MORN1: variants seen among roughly 807,000 people sequenced by gnomAD.
MORN1 encodes MORN repeat containing 1.
In MORN1, 67 loss-of-function variants were observed where a neutral mutation model predicts 61.9. The ratio of observed to expected loss-of-function variants is 1.08; its 90% CI spans 0.89 to 1.33. The LOEUF is 1.33. MORN1 is among the 40% of genes most tolerant of loss of function. The probability of loss-of-function intolerance (pLI) is 0.00; values close to 1 mark genes in which losing one functional copy is unlikely to be tolerated. For missense variants in MORN1, 752 were observed against 691.2 expected, an observed-to-expected ratio of 1.09 and a Z score of -0.99; for synonymous variants, 301 against 292.0, an observed-to-expected ratio of 1.03 and a Z score of -0.31.
chr1:2,335,816 T>C (rs982468693), intron 12 of MORN1, among the ~76,000 whole-genome samples: 1 of 139,804 alleles, frequency 7.2e-6, no homozygotes, highest in African/African-American at 3.4e-5. Flanking sequence ...AGCGGGGGCC[T>C]CCTCGCCTCC....
intron 12 of MORN1, among the ~76,000 whole-genome samples, chr1:2,325,125 T>TCTTTCCTTCCCTCCCTTCCTTC (rs1557865179): frequency 3.2e-5 from 1 of 30,792 alleles, no homozygotes; most frequent in East Asian, 1.5e-3. Flanking sequence ...TTCCTTCCCT[T>TCTTTCCTTCCCTCCCTTCCTTC]CCTTCCTTCC....
chr1:2,328,280 G>C (rs1056829485), intron 12 of MORN1, among the ~76,000 whole-genome samples: 1 of 152,258 alleles, frequency 6.6e-6, no homozygotes, highest in Non-Finnish European at 1.5e-5. Flanking sequence ...CAGCGGGGCT[G>C]TGAGGCCCAG....
chr1:2,374,791 C>G, intron 6 of MORN1: 4 of 502,524 alleles, frequency 8.0e-6, no homozygotes, highest in Non-Finnish European at 1.4e-5. Flanking sequence ...TTTAACGATG[C>G]CAGGAGGTAT....
In MORN1 at chr1:2,366,195, G is replaced by A. The variant is rs1190056989; in HGVS notation, c.745+6286C>T. ...CTTTGTAGGGACATGGATGAAATTC[G>A]AAATCATCATTCTCAGTAAACTATC... is the stretch of plus-strand genomic sequence containing the variant. On this transcript the variant is annotated intron_variant, in intron 8 of 13. Coordinates refer to ENST00000378531, the MANE Select transcript of MORN1 (RefSeq NM_024848.3). Among the ~76,000 whole-genome samples, 5 of 151,586 alleles carry A rather than the reference G, an allele frequency of 3.3e-5. No individual in the cohort carries two copies. The East Asian group carries it at 5.8e-4, about 18-fold the overall frequency.
intron 6 of MORN1, chr1:2,378,291 A>T (rs1438373982): frequency 6.6e-6 from 1 of 152,262 alleles, no homozygotes; most frequent in Non-Finnish European, 1.5e-5. Flanking sequence ...AGCCGGCCAG[A>T]CTCCCCACAG....
Position 2,321,382 on chromosome 1 carries a change from C to G in MORN1, c.*1G>C. ...AGGTGGCCTCCTGTGGACACGGGGCCTCACCGAGGCGCTGGCGGCTCTGGG... is the reference window on the plus strand; with the variant it reads ...AGGTGGCCTCCTGTGGACACGGGGCGTCACCGAGGCGCTGGCGGCTCTGGG... On this transcript the variant is annotated 3_prime_UTR_variant, in exon 14 of 14. Coordinates refer to ENST00000378531, the MANE Select transcript of MORN1 (RefSeq NM_024848.3). 6.6e-7 allele frequency: 1 copy of G among 1,515,652 alleles called. No individual in the cohort carries two copies. The allele number at this position is 1,515,652 out of a possible 1,614,324, so 93.9% of individuals were successfully genotyped here.
intron 4 of MORN1, 134 bp from the exon 5 acceptor site, chr1:2,386,031 CA>C (rs1642490515): frequency 1.8e-5 from 13 of 720,384 alleles, no homozygotes; most frequent in African/African-American, 3.5e-5. Context: ...CAGGGCCCCC[CA>C]GGAACATGAC....
At chr1:2,363,225 C>T (rs1174592492) in intron 8 of MORN1, 3 of 152,276 alleles carry the variant, frequency 2.0e-5, no homozygotes, top group East Asian at 3.9e-4. Context: ...AGTTCTTACG[C>T]ATGAAGTAGT....
In MORN1 at chr1:2,321,564, A is replaced by G; in HGVS notation, c.1313T>C (p.Met438Thr). 6.6e-7 allele frequency: 1 copy of G among 1,514,492 alleles called. No individual in the cohort carries two copies. Among genetic ancestry groups the G allele is most frequent in the South Asian group, 1.3e-5 (1 of 78,520 alleles). The allele number at this position is 1,514,492 out of a possible 1,614,324, so 93.8% of individuals were successfully genotyped here. A position where few individuals can be genotyped will look rare whatever the true frequency, so the allele number is the denominator to read the frequency against. Residue 438 changes from methionine to threonine, a missense_variant, in exon 14 of 14, where the codon ATG (methionine) becomes ACG (threonine). Met to Thr is a moderately conservative substitution (Grantham distance 81, BLOSUM62 -1). Coordinates refer to ENST00000378531, the MANE Select transcript of MORN1 (RefSeq NM_024848.3). The stretch of plus-strand genomic sequence containing the variant: ...CGGCGGGGTGGTCACGTCGCGGATC[A>G]TGAGCACGTACTCCCCTGCAAGGGG... ...AAAHLGEYVL[M>T]IRDVTTPPFL...
At position 2,368,052 on chromosome 1, in the gene MORN1, G is replaced by A. The variant is rs538244662; in HGVS notation, c.745+4429C>T. 6.1e-3 allele frequency among the ~76,000 whole-genome samples: 931 copies of A among 152,346 alleles called. 7 individuals carry two copies. Among genetic ancestry groups the A allele is most frequent in the Non-Finnish European group, 0.01 (699 of 68,032 alleles). ...GAAAAAGAGAGAATTGGGTTTCATC[G>A]AAACTTAAAACTTTTGTGTTTCAAA... On this transcript the variant is annotated intron_variant, in intron 8 of 13. Coordinates refer to ENST00000378531, the MANE Select transcript of MORN1 (RefSeq NM_024848.3).
chr1:2,363,803 AAC>A (rs1198353882), intron 8 of MORN1, among the ~76,000 whole-genome samples: 5 of 81,804 alleles, frequency 6.1e-5, no homozygotes, highest in Admixed American at 1.4e-4. Flanking sequence ...CAAACAAACA[AAC>A]AAAAAAATAT....
intron 10 of MORN1, among the ~76,000 whole-genome samples, chr1:2,342,026 T>A (rs938655116): frequency 2.0e-5 from 3 of 152,260 alleles, no homozygotes; most frequent in Admixed American, 2.0e-4. Flanking sequence ...TGTCACCTCC[T>A]GGCAGGCATG....
intron 10 of MORN1, among the ~76,000 whole-genome samples, chr1:2,341,239 G>C (rs1295909406): frequency 6.6e-6 from 1 of 152,178 alleles, no homozygotes; most frequent in Non-Finnish European, 1.5e-5. Flanking sequence ...GTCCCCAACT[G>C]GTCCTGGGCA....
At chr1:2,363,812 A>AATG (rs1641946323) in intron 8 of MORN1, among the ~76,000 whole-genome samples, 2 of 95,576 alleles carry the variant, frequency 2.1e-5, no homozygotes, top group Non-Finnish European at 4.1e-5. Context: ...AAACAAAAAA[A>AATG]TATATATATA....
chr1:2,341,442 C>T, intron 10 of MORN1, among the ~76,000 whole-genome samples: 1 of 152,172 alleles, frequency 6.6e-6, no homozygotes, highest in Non-Finnish European at 1.5e-5. Flanking sequence ...ATGCCTGTCC[C>T]AGCACTTCGG....
At chr1:2,364,045 T>C (rs1187025022) in intron 8 of MORN1, among the ~76,000 whole-genome samples, 3 of 152,148 alleles carry the variant, frequency 2.0e-5, no homozygotes, top group Non-Finnish European at 4.4e-5. Flanking sequence ...AAGACGACGA[T>C]ATGCTGTCTA....
intron 10 of MORN1, among the ~76,000 whole-genome samples, chr1:2,343,534 C>A (rs1641446810): frequency 6.6e-6 from 1 of 152,178 alleles, no homozygotes; most frequent in Admixed American, 6.5e-5. Context: ...GAGACTCGGG[C>A]CTGGGGGCCT....
intron 12 of MORN1, among the ~76,000 whole-genome samples, chr1:2,335,780 G>T (rs1417515679): frequency 6.6e-6 from 1 of 150,874 alleles, no homozygotes; most frequent in Non-Finnish European, 1.5e-5. Flanking sequence ...GGCGAGGGCT[G>T]GTGGGACGGG....
rs1472898526 is a variant in MORN1 at position 2,337,563 on chromosome 1, C to A, written c.1037-713G>T. 1.3e-5 allele frequency among the ~76,000 whole-genome samples: 2 copies of A among 152,184 alleles called. No homozygotes were observed. The highest frequency in any genetic ancestry group is 4.8e-5 in the African/African-American group (2 of 41,444). ...CCCCACGCACAGATGGAGCTGCAGC[C>A]CCCAGGGCCCACCCTGCTGTCTCTT... is the stretch of plus-strand genomic sequence containing the variant. On this transcript the variant is annotated intron_variant, in intron 10 of 13. Coordinates refer to ENST00000378531, the MANE Select transcript of MORN1 (RefSeq NM_024848.3). The surrounding 1 kb of genome is among the most constrained non-coding windows in gnomAD (Gnocchi z 5.7).
Sources: gnomAD v4.1 joint callset for allele counts (sites outside exome capture counted in the v4.1 genomes callset) on GRCh38, gnomAD v4.1.1 for gene constraint, Gnocchi (gnomAD v3.1) non-coding constraint, MANE v1.5 for transcripts, NCBI Gene and HGNC (gene_info 2026-07-23, HGNC 2026-07-21) for gene names.